The following LINC00305 variants were observed in gnomAD, a reference collection of about 807,000 sequenced individuals.
The protein encoded by LINC00305 is long intergenic non-protein coding RNA 305.
intron 1 of LINC00305, among the ~76,000 whole-genome samples, chr18:64,144,643 G>C (rs1312302263): frequency 6.6e-6 from 1 of 152,056 alleles, no homozygotes; most frequent in African/African-American, 2.4e-5. Context: ...TGAGTAGCTG[G>C]GATTACAGGT....
At chr18:64,139,849 G>A (rs1057100911) in intron 1 of LINC00305, among the ~76,000 whole-genome samples, 3 of 152,122 alleles carry the variant, frequency 2.0e-5, no homozygotes, top group Non-Finnish European at 4.4e-5. Flanking sequence ...GTTATAGCAT[G>A]TGGATCCTTT....
chr18:64,088,242 T>A (rs536828055), intron 3 of LINC00305, among the ~76,000 whole-genome samples: 2 of 152,308 alleles, frequency 1.3e-5, no homozygotes, highest in East Asian at 3.9e-4. Flanking sequence ...TTTTCTCAAC[T>A]CTTTCTTTTC....
chr18:64,130,369 G>A (rs1388864313), intron 1 of LINC00305, among the ~76,000 whole-genome samples: 1 of 152,032 alleles, frequency 6.6e-6, no homozygotes, highest in South Asian at 2.1e-4. Flanking sequence ...TACAATTTCT[G>A]TGTGTTTTAA....
chr18:64,097,018 C>A (rs1373150672), intron 3 of LINC00305, among the ~76,000 whole-genome samples: 3 of 151,554 alleles, frequency 2.0e-5, no homozygotes, highest in African/African-American at 7.3e-5. Context: ...ATTTAAAATG[C>A]TAAGAATTCT....
intron 3 of LINC00305, among the ~76,000 whole-genome samples, chr18:64,095,501 A>G (rs147691864): frequency 6.2e-4 from 95 of 152,312 alleles, no homozygotes; most frequent in African/African-American, 2.2e-3. Flanking sequence ...ATGGAATCCT[A>G]TGAGACTAAG....
In LINC00305 at chr18:64,096,647, C is replaced by T. The variant is rs150167470; in HGVS notation, n.540+1187G>A. Among the ~76,000 whole-genome samples, 49 of 151,956 alleles carry T rather than the reference C, an allele frequency of 3.2e-4. No individual in the cohort carries two copies. The Middle Eastern group carries it at 0.016, about 48-fold the overall frequency. On this transcript the variant is annotated intron_variant and non_coding_transcript_variant, in intron 3 of 3. Transcript: ENST00000666468. ...AACAAAGTTAATTCTAGATGAATTA[C>T]ACCACCAACTATAAACAATCATACC...
intron 1 of LINC00305, among the ~76,000 whole-genome samples, chr18:64,133,749 G>C (rs1284814620): frequency 6.6e-6 from 1 of 152,002 alleles, no homozygotes; most frequent in East Asian, 1.9e-4. Context: ...CACCTGCCTT[G>C]GAAACTCTTC....
chr18:64,124,864 T>A (rs2051378055), intron 1 of LINC00305, among the ~76,000 whole-genome samples: 2 of 152,118 alleles, frequency 1.3e-5, no homozygotes, highest in Admixed American at 1.3e-4. Flanking sequence ...GAATCCTGCA[T>A]CTCATCAGTG....
At chr18:64,143,666 A>G (rs1599234034) in intron 1 of LINC00305, among the ~76,000 whole-genome samples, 1 of 146,946 alleles carries the variant, frequency 6.8e-6, no homozygotes, top group East Asian at 2.0e-4. Context: ...TACACGTATT[A>G]TGTATACATA....
At chr18:64,092,833 G>A (rs1224201761) in intron 3 of LINC00305, among the ~76,000 whole-genome samples, 2 of 152,190 alleles carry the variant, frequency 1.3e-5, no homozygotes, top group African/African-American at 4.8e-5. Flanking sequence ...AAGCTGCTCA[G>A]AATACATTTC....
At chr18:64,137,815 A>G (rs957000957) in intron 1 of LINC00305, among the ~76,000 whole-genome samples, 2 of 151,904 alleles carry the variant, frequency 1.3e-5, no homozygotes, top group African/African-American at 4.8e-5. Flanking sequence ...TCTGAGAGTT[A>G]AACACAAGCC....
intron 1 of LINC00305, among the ~76,000 whole-genome samples, chr18:64,115,669 T>C (rs1258603255): frequency 1.3e-5 from 2 of 152,178 alleles, no homozygotes; most frequent in Admixed American, 1.3e-4. Flanking sequence ...CCTCTCAGCT[T>C]TTCTAAACTT....
chr18:64,094,856 A>AAAATAAATAAATAAAT (rs754074493), intron 3 of LINC00305, among the ~76,000 whole-genome samples: 1,508 of 120,810 alleles, frequency 0.012, 22 homozygotes, highest in African/African-American at 0.031. Context: ...TTCATCTCAA[A>AAAATAAATAAATAAAT]AAATAAATAA....
chr18:64,109,023 A>C lies in LINC00305; in HGVS notation n.315-10383T>G, dbSNP rs142600087. On this transcript the variant is annotated intron_variant and non_coding_transcript_variant, in intron 1 of 3. Transcript: ENST00000666468. Reference sequence around the variant, plus strand: ...AAGCTCATCTAGAATATGTTGCATCACATCAATCTCCCTTACCCCCACATT... The same window carrying C: ...AAGCTCATCTAGAATATGTTGCATCCCATCAATCTCCCTTACCCCCACATT... 2.6e-3 allele frequency among the ~76,000 whole-genome samples: 391 copies of C among 152,346 alleles called. 1 individual carries two copies. Among genetic ancestry groups the C allele is most frequent in the Non-Finnish European group, 4.7e-3 (317 of 68,038 alleles).
chr18:64,099,643 G>A (rs763117278), intron 1 of LINC00305, among the ~76,000 whole-genome samples: 28 of 152,142 alleles, frequency 1.8e-4, no homozygotes, highest in Admixed American at 9.8e-4. Context: ...AGGATTTAAC[G>A]TGTAATGGTA....
chr18:64,144,392 C>T (rs549341937), intron 1 of LINC00305, among the ~76,000 whole-genome samples: 3 of 152,234 alleles, frequency 2.0e-5, no homozygotes, highest in African/African-American at 7.2e-5. Flanking sequence ...AAGGAAAAAG[C>T]AGGAAAATGC....
intron 1 of LINC00305, among the ~76,000 whole-genome samples, chr18:64,136,978 A>G (rs2051437726): frequency 1.3e-5 from 2 of 152,084 alleles, no homozygotes; most frequent in South Asian, 4.1e-4. Context: ...GTCCACCTGC[A>G]CCCCTCCCCA....
chr18:64,122,094 T>C (rs1599222158), intron 1 of LINC00305, among the ~76,000 whole-genome samples: 1 of 152,288 alleles, frequency 6.6e-6, no homozygotes, highest in African/African-American at 2.4e-5. Flanking sequence ...GAATCCTCTG[T>C]CAGATGAATA....
chr18:64,127,769 C>A (rs2051391769), intron 1 of LINC00305, among the ~76,000 whole-genome samples: 2 of 152,102 alleles, frequency 1.3e-5, no homozygotes, highest in Admixed American at 1.3e-4. Flanking sequence ...TCATTAGTAA[C>A]CCATGTTTTC....
Sources: gnomAD v4.1 joint callset for allele counts (sites outside exome capture counted in the v4.1 genomes callset) on GRCh38, gnomAD v4.1.1 for gene constraint, MANE v1.5 for transcripts, NCBI Gene and HGNC (gene_info 2026-07-23, HGNC 2026-07-21) for gene names.